Variants in MAP7 observed in about 807,000 individuals in gnomAD.
MAP7 encodes microtubule associated protein 7, also known as ensconsin.
Under a neutral mutation model 94.8 loss-of-function variants are expected in MAP7, and 52 were observed. The ratio of observed to expected loss-of-function variants is 0.55; its 90% CI spans 0.44 to 0.69. The LOEUF (loss-of-function observed/expected upper bound fraction) is 0.69, where lower values mean the gene tolerates loss of function less well. MAP7 is among the 30% of genes least tolerant of loss of function. The pLI is 0.00. For synonymous variants in MAP7, 350 were observed against 357.0 expected, an observed-to-expected ratio of 0.98 and a Z score of 0.22; for missense variants, 940 against 964.6, an observed-to-expected ratio of 0.97 and a Z score of 0.34.
At chr6:136,409,864 G>A (rs1562367399) in intron 3 of MAP7, among the ~76,000 whole-genome samples, 2 of 152,142 alleles carry the variant, frequency 1.3e-5, no homozygotes, top group Non-Finnish European at 2.9e-5. Context: ...TACAGTGTTT[G>A]AATATATAAA....
At chr6:136,465,091 T>C (rs545457666) in intron 1 of MAP7, among the ~76,000 whole-genome samples, 20 of 152,290 alleles carry the variant, frequency 1.3e-4, no homozygotes, top group African/African-American at 4.8e-4. Flanking sequence ...GTATGTCGAG[T>C]ACACACACAG....
At position 136,366,432 on chromosome 6, in the gene MAP7, T is replaced by C. The variant is rs763174328; in HGVS notation, c.884A>G (p.Lys295Arg). The change falls in exon 9 of 18, where the codon AAA becomes AGA. Residue 295 changes from lysine to arginine, a missense_variant. Physicochemically the swap from Lys to Arg is conservative, Grantham distance 26 (BLOSUM62 2). Transcript: ENST00000354570. ...TACATTTTCTCTCTCTCTTTCTTTTTTATAGCTCTAAGTTCAGAGAAACTC... is the reference window on the plus strand; with the variant it reads ...TACATTTTCTCTCTCTCTTTCTTTTCTATAGCTCTAAGTTCAGAGAAACTC... ...RRIIHGTASY[K>R]KERERENVLF... 1 of 1,609,120 alleles carries C rather than the reference T, an allele frequency of 6.2e-7. No homozygotes were observed. The highest frequency in any genetic ancestry group is 1.1e-5 in the South Asian group (1 of 91,004).
At chr6:136,386,370 T>C (rs1380163035) in intron 5 of MAP7, among the ~76,000 whole-genome samples, 2 of 152,304 alleles carry the variant, frequency 1.3e-5, no homozygotes, top group East Asian at 3.9e-4. Flanking sequence ...TCACAACCCG[T>C]ATTAAAATGA....
At chr6:136,358,829 A>G (rs1444515962) in intron 15 of MAP7, among the ~76,000 whole-genome samples, 2 of 152,200 alleles carry the variant, frequency 1.3e-5, no homozygotes, top group Non-Finnish European at 2.9e-5. Context: ...AAGACCACGA[A>G]GGATCACTGA....
At chr6:136,374,882 C>T (rs1171530577) in intron 7 of MAP7, among the ~76,000 whole-genome samples, 1 of 152,098 alleles carries the variant, frequency 6.6e-6, no homozygotes. Context: ...ATCTTCAAAT[C>T]AATTATTTGA....
At chr6:136,474,316 TG>T (rs1428352359) in intron 1 of MAP7, among the ~76,000 whole-genome samples, 3 of 152,320 alleles carry the variant, frequency 2.0e-5, no homozygotes, top group Non-Finnish European at 4.4e-5. Context: ...AAGGTGACTC[TG>T]GTTGCTGTGT....
chr6:136,464,014 C>A (rs989972353), intron 1 of MAP7, among the ~76,000 whole-genome samples: 2 of 152,160 alleles, frequency 1.3e-5, no homozygotes, highest in African/African-American at 4.8e-5. Context: ...GAAGGGGCTG[C>A]CCTCCTGCAG....
intron 1 of MAP7, among the ~76,000 whole-genome samples, chr6:136,473,466 T>C (rs1423851248): frequency 6.6e-6 from 1 of 152,206 alleles, no homozygotes. Flanking sequence ...GAAGTATAAA[T>C]ATGTACATGT....
At chr6:136,466,446 AAAG>A (rs1807100393) in intron 1 of MAP7, among the ~76,000 whole-genome samples, 1 of 152,170 alleles carries the variant, frequency 6.6e-6, no homozygotes, top group Admixed American at 6.5e-5. Context: ...TCAAAAAAAG[AAAG>A]AAGTATGGAA....
chr6:136,466,918 C>T, intron 1 of MAP7: 3 of 1,469,706 alleles, frequency 2.0e-6, no homozygotes, highest in Non-Finnish European at 2.7e-6. Context: ...ATCTCTCACA[C>T]AGCTTGAGGT....
At position 136,386,276 on chromosome 6, in the gene MAP7, T is replaced by C. The variant is rs1441437181; in HGVS notation, c.526+2117A>G. Among the ~76,000 whole-genome samples the C allele has an allele frequency of 1.3e-5, 2 of 152,188 alleles. 1 individual carries two copies. The highest frequency in any genetic ancestry group is 4.1e-4 in the South Asian group (2 of 4,832). ...CTGTTCTCAAGATCATAGCAAATCATTTTCTGGTCTTTGAGAACTTGGCAA... is the reference window on the plus strand; with the variant it reads ...CTGTTCTCAAGATCATAGCAAATCACTTTCTGGTCTTTGAGAACTTGGCAA... On this transcript the variant is annotated intron_variant, in intron 5 of 17. Transcript: ENST00000354570.
At chr6:136,494,735 A>G (rs551273555) in intron 1 of MAP7, among the ~76,000 whole-genome samples, 1 of 152,324 alleles carries the variant, frequency 6.6e-6, no homozygotes, top group South Asian at 2.1e-4. Flanking sequence ...ACAAACTAGA[A>G]AAAAACTAGT....
chr6:136,406,436 A>G (rs910912009), intron 3 of MAP7, among the ~76,000 whole-genome samples: 1 of 152,212 alleles, frequency 6.6e-6, no homozygotes, highest in African/African-American at 2.4e-5. Context: ...AACAAAGCAC[A>G]AGGATCTCTC....
intron 1 of MAP7, among the ~76,000 whole-genome samples, chr6:136,538,222 G>C (rs796127774): frequency 3.9e-5 from 6 of 152,296 alleles, no homozygotes; most frequent in African/African-American, 1.4e-4. Context: ...ACTTAAGAAA[G>C]TTTCTTCTAA....
At position 136,388,403 on chromosome 6, in the gene MAP7, G is replaced by A. The variant is rs760334835; in HGVS notation, c.516C>T (p.Ile172=). The part of the protein sequence containing the change: ...WGGSLHGSPS[I]HSADPDRRSV... ...GTGGTCACTGTTTACCTGCACTGTGGATGCTAGGGCTCCCATGGAGAGAGC... is the reference window on the plus strand; with the variant it reads ...GTGGTCACTGTTTACCTGCACTGTGAATGCTAGGGCTCCCATGGAGAGAGC... Residue 172 remains isoleucine, a synonymous_variant, in exon 5 of 18, where the codon ATC becomes ATT. Coordinates refer to ENST00000354570, the MANE Select transcript of MAP7 (RefSeq NM_003980.6). 1 of 1,613,570 alleles carries A rather than the reference G, an allele frequency of 6.2e-7. No homozygotes were observed.
intron 1 of MAP7, among the ~76,000 whole-genome samples, chr6:136,521,017 C>T (rs1826262800): frequency 6.6e-6 from 1 of 152,108 alleles, no homozygotes; most frequent in Non-Finnish European, 1.5e-5. Flanking sequence ...CTGAGGCAGG[C>T]CATGTAATGC....
intron 2 of MAP7, among the ~76,000 whole-genome samples, chr6:136,412,089 G>C (rs1787665125): frequency 6.6e-6 from 1 of 152,216 alleles, no homozygotes; most frequent in Non-Finnish European, 1.5e-5. Context: ...GAGAGTTAGA[G>C]GTGAAGTGCT....
At chr6:136,448,479 A>G (rs1451837623) in intron 1 of MAP7, among the ~76,000 whole-genome samples, 1 of 151,394 alleles carries the variant, frequency 6.6e-6, no homozygotes, top group East Asian at 2.0e-4. Flanking sequence ...CAGTGGCGCA[A>G]TCTCAGCTCA....
intron 1 of MAP7, among the ~76,000 whole-genome samples, chr6:136,446,769 A>G (rs962316103): frequency 1.3e-5 from 2 of 152,208 alleles, no homozygotes; most frequent in African/African-American, 4.8e-5. Flanking sequence ...ACAATATTAC[A>G]ATCTGCTTTT....
Sources: gnomAD v4.1 joint callset for allele counts (sites outside exome capture counted in the v4.1 genomes callset) on GRCh38, gnomAD v4.1.1 for gene constraint, MANE v1.5 for transcripts, NCBI Gene and HGNC (gene_info 2026-07-23, HGNC 2026-07-21) for gene names.